SLC25A21: variants seen among roughly 807,000 people sequenced by gnomAD.
SLC25A21 encodes the protein mitochondrial 2-oxodicarboxylate carrier.
In SLC25A21, 47 loss-of-function variants were observed where a neutral mutation model predicts 43.8. The ratio of observed to expected loss-of-function variants is 1.07; its 90% CI spans 0.85 to 1.37. The LOEUF (loss-of-function observed/expected upper bound fraction) is 1.37, where lower values mean the gene tolerates loss of function less well. Ranked by LOEUF, SLC25A21 falls within the 40% of genes most tolerant of loss-of-function variation. The probability of loss-of-function intolerance (pLI) is 0.00; values close to 1 mark genes in which losing one functional copy is unlikely to be tolerated. For synonymous variants in SLC25A21, 131 were observed against 121.3 expected, an observed-to-expected ratio of 1.08 and a Z score of -0.52; for missense variants, 352 against 350.2, an observed-to-expected ratio of 1.00 and a Z score of -0.04.
chr14:37,040,324 G>A (rs866256825), intron 1 of SLC25A21, among the ~76,000 whole-genome samples: 2 of 51,140 alleles, frequency 3.9e-5, no homozygotes, highest in Non-Finnish European at 6.3e-5. Context: ...AAGAAAGGAA[G>A]AGGGGAAGGA....
chr14:36,935,219 T>A (rs1447669240), intron 1 of SLC25A21, among the ~76,000 whole-genome samples: 1 of 152,160 alleles, frequency 6.6e-6, no homozygotes, highest in African/African-American at 2.4e-5. Flanking sequence ...CTCCTTAATG[T>A]TCCCCAGGAA....
intron 3 of SLC25A21, among the ~76,000 whole-genome samples, chr14:36,809,461 A>AAGCTTTAATCTCACTTC (rs1292402162): frequency 6.6e-6 from 1 of 152,120 alleles, no homozygotes; most frequent in Admixed American, 6.5e-5. Context: ...TTGAAAAGCC[A>AAGCTTTAATCTCACTTC]TGTCTTTCAT....
chr14:36,729,816 T>C (rs926960396), intron 4 of SLC25A21, among the ~76,000 whole-genome samples: 5 of 152,312 alleles, frequency 3.3e-5, no homozygotes, highest in Middle Eastern at 3.4e-3. Context: ...AAATGAACCA[T>C]ACAACTTCCA....
chr14:36,834,319 T>G (rs893039820), intron 2 of SLC25A21, among the ~76,000 whole-genome samples: 1 of 152,174 alleles, frequency 6.6e-6, no homozygotes, highest in Non-Finnish European at 1.5e-5. Context: ...TTCTTAGGAT[T>G]AAGTTCTGGA....
intron 9 of SLC25A21, 117 bp downstream of exon 9, chr14:36,683,711 A>C (rs1425247275): frequency 3.2e-5 from 21 of 651,344 alleles, no homozygotes. Flanking sequence ...TTATATTCTC[A>C]AGGTTTCTGT....
Position 36,882,862 on chromosome 14 carries a change from T to C in SLC25A21, c.71-7858A>G, listed in dbSNP as rs542933574. Among the ~76,000 whole-genome samples, 33 of 151,962 alleles carry C rather than the reference T, an allele frequency of 2.2e-4. 2 individuals carry two copies. In the South Asian group the frequency reaches 6.7e-3, roughly 31 times the overall value. ...CCTTCGGAAACAACATGCTCAACCT[T>C]AGAATCATTCTGGATGCTTCCGTCT... On this transcript the variant is annotated intron_variant, in intron 1 of 9. Coordinates refer to ENST00000331299, the MANE Select transcript of SLC25A21 (RefSeq NM_030631.4).
intron 1 of SLC25A21, among the ~76,000 whole-genome samples, chr14:37,104,792 A>G (rs1193994178): frequency 6.6e-6 from 1 of 152,248 alleles, no homozygotes; most frequent in Non-Finnish European, 1.5e-5. Context: ...AAGCAAAGCT[A>G]ACAAGAGCTG....
chr14:36,942,183 A>C (rs532494689), intron 1 of SLC25A21, among the ~76,000 whole-genome samples: 1 of 152,166 alleles, frequency 6.6e-6, no homozygotes, highest in Non-Finnish European at 1.5e-5. Flanking sequence ...GTTTCTAATG[A>C]CTTAAATTCA....
chr14:36,959,614 A>C (rs1377310740), intron 1 of SLC25A21, among the ~76,000 whole-genome samples: 2 of 152,138 alleles, frequency 1.3e-5, no homozygotes, highest in Non-Finnish European at 2.9e-5. Context: ...CACCAAAGGG[A>C]AAAAATGAAA....
chr14:36,810,863 C>T (rs848083), intron 3 of SLC25A21, among the ~76,000 whole-genome samples: 80,487 of 131,082 alleles, frequency 0.61, 22,132 homozygotes, highest in Middle Eastern at 0.67. Context: ...ATATTTTATA[C>T]AGCATATGTA....
At chr14:37,007,147 C>T (rs545565393) in intron 1 of SLC25A21, among the ~76,000 whole-genome samples, 2 of 152,316 alleles carry the variant, frequency 1.3e-5, no homozygotes, top group East Asian at 3.9e-4. Flanking sequence ...TACAAATGAT[C>T]TGTTACAGAG....
intron 7 of SLC25A21, among the ~76,000 whole-genome samples, chr14:36,692,381 T>C (rs750798225): frequency 7.9e-5 from 12 of 152,208 alleles, no homozygotes; most frequent in Non-Finnish European, 1.3e-4. Context: ...TACACATTTG[T>C]AGCTAATTTA....
chr14:36,937,171 C>T (rs1261093956), intron 1 of SLC25A21, among the ~76,000 whole-genome samples: 2 of 152,166 alleles, frequency 1.3e-5, no homozygotes, highest in African/African-American at 2.4e-5. Context: ...CTAACTAAGC[C>T]GGGCGATGCT....
intron 1 of SLC25A21, among the ~76,000 whole-genome samples, chr14:37,109,690 G>A (rs1029234392): frequency 3.9e-5 from 6 of 152,034 alleles, no homozygotes; most frequent in Non-Finnish European, 5.9e-5. Flanking sequence ...CAATCTAGTC[G>A]CCTAATTTTT....
chr14:36,971,873 G>T (rs1045980280), intron 1 of SLC25A21, among the ~76,000 whole-genome samples: 1 of 152,124 alleles, frequency 6.6e-6, no homozygotes. Context: ...GGCAAGTCCT[G>T]AGTCTTGGAC....
intron 3 of SLC25A21, among the ~76,000 whole-genome samples, chr14:36,760,534 A>G (rs182195399): frequency 2.9e-3 from 448 of 152,276 alleles, no homozygotes; most frequent in African/African-American, 0.01. Context: ...CACCAGACTT[A>G]GTGCCATTCA....
intron 2 of SLC25A21, among the ~76,000 whole-genome samples, chr14:36,832,097 C>A (rs1889059811): frequency 6.6e-6 from 1 of 152,092 alleles, no homozygotes; most frequent in Non-Finnish European, 1.5e-5. Flanking sequence ...AAAACCAAAT[C>A]CTTCAGTGGA....
intron 1 of SLC25A21, among the ~76,000 whole-genome samples, chr14:37,143,608 G>A (rs911702876): frequency 6.6e-6 from 1 of 151,984 alleles, no homozygotes; most frequent in East Asian, 1.9e-4. Flanking sequence ...GTGTGTGTGT[G>A]TGTGTGTGTG....
At chr14:37,084,316 C>G (rs1292578843) in intron 1 of SLC25A21, among the ~76,000 whole-genome samples, 1 of 152,184 alleles carries the variant, frequency 6.6e-6, no homozygotes, top group East Asian at 1.9e-4. Context: ...TCCTCTAGAT[C>G]TCAGATGATA....
Sources: gnomAD v4.1 joint callset for allele counts (sites outside exome capture counted in the v4.1 genomes callset) on GRCh38, gnomAD v4.1.1 for gene constraint, MANE v1.5 for transcripts, NCBI Gene and HGNC (gene_info 2026-07-23, HGNC 2026-07-21) for gene names.